Variants in CDK14 observed in about 807,000 individuals in gnomAD.
The protein encoded by CDK14 is cyclin-dependent kinase 14.
In CDK14, 34 loss-of-function variants were observed where a neutral mutation model predicts 60.7. That is an observed-to-expected ratio of 0.56 (90% CI 0.43 to 0.75). CDK14 has a LOEUF of 0.75. CDK14 is among the 30% of genes least tolerant of loss of function. The pLI is 0.00. For synonymous variants in CDK14, 197 were observed against 203.7 expected, an observed-to-expected ratio of 0.97 and a Z score of 0.28; for missense variants, 482 against 564.1, an observed-to-expected ratio of 0.85 and a Z score of 1.47.
rs191629984 is a variant in CDK14, at chr7:90,956,714, C to G, written c.947+897C>G. Among the ~76,000 whole-genome samples, 366 of 152,008 alleles carry G rather than the reference C, an allele frequency of 2.4e-3. 2 individuals are homozygous for G. Among genetic ancestry groups the G allele is most frequent in the Non-Finnish European group, 1.6e-3 (111 of 67,958 alleles). ...GTGCCATGCTGGTGCGCTGCACCCA[C>G]TAACTCTTCATCTAGCGTTAGGTAT... On this transcript the variant is annotated intron_variant, in intron 9 of 14. Transcript: ENST00000380050.
At chr7:90,691,656 C>CT in intron 2 of CDK14, among the ~76,000 whole-genome samples, 1 of 152,102 alleles carries the variant, frequency 6.6e-6, no homozygotes, top group Non-Finnish European at 1.5e-5. Flanking sequence ...AAAAAGATGA[C>CT]TTTTTCAGCT....
intron 5 of CDK14, among the ~76,000 whole-genome samples, chr7:90,846,149 C>T (rs970726255): frequency 1.3e-5 from 2 of 152,124 alleles, no homozygotes; most frequent in Non-Finnish European, 2.9e-5. Context: ...TGTGACTCTT[C>T]TTCTTCCCCC....
chr7:90,643,700 T>G (rs2116450870), intron 2 of CDK14, among the ~76,000 whole-genome samples: 1 of 152,332 alleles, frequency 6.6e-6, no homozygotes, highest in Admixed American at 6.5e-5. Context: ...AGATGACAGC[T>G]TCTCTTTATT....
At chr7:91,120,098 C>G (rs1187710937) in intron 14 of CDK14, among the ~76,000 whole-genome samples, 1 of 152,132 alleles carries the variant, frequency 6.6e-6, no homozygotes, top group Non-Finnish European at 1.5e-5. Context: ...TGGAACAAAA[C>G]AAAAAGTGGA....
rs542374751 is a variant in CDK14, at chr7:91,057,886, A to G, written c.1105+11926A>G. Among the ~76,000 whole-genome samples the G allele has an allele frequency of 7.9e-5, 12 of 152,114 alleles. 3 individuals carry two copies. The highest frequency in any genetic ancestry group is 2.6e-4 in the African/African-American group (11 of 41,516). On this transcript the variant is annotated intron_variant, in intron 11 of 14. Transcript: ENST00000380050. ...TTGGCTTAGGATTGACTTGGCAATG[A>G]GGGCTCTTTTTTGGTTCCATATGAA...
chr7:90,891,814 A>G (rs189491068), intron 6 of CDK14, among the ~76,000 whole-genome samples: 47 of 152,366 alleles, frequency 3.1e-4, no homozygotes, highest in Non-Finnish European at 5.7e-4. Flanking sequence ...GGAGAATGGA[A>G]ACAAATACAT....
chr7:90,653,098 A>C (rs965532428), intron 2 of CDK14, among the ~76,000 whole-genome samples: 6 of 152,064 alleles, frequency 3.9e-5, no homozygotes, highest in Non-Finnish European at 8.8e-5. Flanking sequence ...GGGTAGACTG[A>C]GAATGATGTT....
intron 14 of CDK14, among the ~76,000 whole-genome samples, chr7:91,159,809 G>C (rs1294082742): frequency 6.6e-6 from 1 of 152,166 alleles, no homozygotes; most frequent in East Asian, 1.9e-4. Flanking sequence ...TTGGTGGTGG[G>C]TTCTGGGGTA....
intron 4 of CDK14, among the ~76,000 whole-genome samples, chr7:90,756,254 A>G (rs1804053749): frequency 6.6e-6 from 1 of 152,258 alleles, no homozygotes; most frequent in South Asian, 2.1e-4. Flanking sequence ...TAAGAAAACG[A>G]ACCACTTGGA....
intron 1 of CDK14, among the ~76,000 whole-genome samples, chr7:90,598,096 A>T (rs557152825): frequency 6.6e-6 from 1 of 152,326 alleles, no homozygotes; most frequent in East Asian, 1.9e-4. Context: ...CCCTGACCCA[A>T]ACCGTCGCAG....
At chr7:90,963,086 A>AGTGT (rs34662049) in intron 9 of CDK14, among the ~76,000 whole-genome samples, 4,591 of 142,096 alleles carry the variant, frequency 0.032, 96 homozygotes, top group South Asian at 0.061. Context: ...TCATCTTAAG[A>AGTGT]GTGTGTGTGT....
chr7:90,679,722 G>A (rs1801276375), intron 2 of CDK14, among the ~76,000 whole-genome samples: 1 of 152,154 alleles, frequency 6.6e-6, no homozygotes, highest in Non-Finnish European at 1.5e-5. Flanking sequence ...TGAATCAAAA[G>A]TAGTTTACTT....
At chr7:90,749,145 T>G (rs1334443901) in intron 4 of CDK14, among the ~76,000 whole-genome samples, 1 of 152,178 alleles carries the variant, frequency 6.6e-6, no homozygotes, top group Non-Finnish European at 1.5e-5. Flanking sequence ...TTTTGAGAGT[T>G]GTAAAAAAAA....
chr7:90,808,136 G>T (rs1788937098), intron 5 of CDK14, among the ~76,000 whole-genome samples: 1 of 152,118 alleles, frequency 6.6e-6, no homozygotes, highest in Non-Finnish European at 1.5e-5. Context: ...TACTCCTCGA[G>T]AAGAGCAACT....
At chr7:90,756,804 T>C (rs372286918) in intron 4 of CDK14, among the ~76,000 whole-genome samples, 14 of 152,202 alleles carry the variant, frequency 9.2e-5, no homozygotes, top group African/African-American at 3.4e-4. Context: ...TTAAACATAA[T>C]CTTTTGCATC....
At chr7:91,202,740 C>T (rs373581000) in intron 14 of CDK14, among the ~76,000 whole-genome samples, 25 of 152,198 alleles carry the variant, frequency 1.6e-4, no homozygotes, top group Admixed American at 5.2e-4. Flanking sequence ...TTGGGCCATT[C>T]GGAGTCATCT....
intron 8 of CDK14, among the ~76,000 whole-genome samples, chr7:90,918,092 A>G (rs909652641): frequency 3.9e-5 from 6 of 152,218 alleles, no homozygotes. Flanking sequence ...GGAAAAAAAT[A>G]ATATAATGAA....
intron 2 of CDK14, among the ~76,000 whole-genome samples, chr7:90,725,419 A>G (rs1408964530): frequency 6.6e-6 from 1 of 152,090 alleles, no homozygotes; most frequent in Non-Finnish European, 1.5e-5. Context: ...CCGCATTTAT[A>G]CCCCACATGG....
In CDK14 at chr7:91,180,598, A is replaced by G. The variant is rs975750275; in HGVS notation, c.*29-26567A>G. Among the ~76,000 whole-genome samples the G allele has an allele frequency of 6.6e-5, 10 of 152,164 alleles. No homozygotes were observed. In the East Asian group the frequency reaches 1.3e-3, roughly 21 times the overall value. ...CTCATTTGTGACTTCTACAATAAAG[A>G]TCAGGAAAAAGCTGTTGTTGTTATT... On this transcript the variant is annotated intron_variant, in intron 14 of 14. Transcript: ENST00000380050.
Sources: gnomAD v4.1 joint callset for allele counts (sites outside exome capture counted in the v4.1 genomes callset) on GRCh38, gnomAD v4.1.1 for gene constraint, MANE v1.5 for transcripts, NCBI Gene and HGNC (gene_info 2026-07-23, HGNC 2026-07-21) for gene names.